SLAMF7: variants seen among roughly 807,000 people sequenced by gnomAD.
SLAMF7 encodes the protein SLAM family member 7.
Under a neutral mutation model 34.1 loss-of-function variants are expected in SLAMF7, and 26 were observed. That is an observed-to-expected ratio of 0.76 (90% CI 0.56 to 1.06). SLAMF7 has a LOEUF of 1.06. SLAMF7 is among the 50% of genes least tolerant of loss of function. The pLI, the probability that SLAMF7 is intolerant of heterozygous loss-of-function variation, is 0.00. For synonymous variants in SLAMF7, 171 were observed against 156.4 expected (o/e 1.09, Z -0.70); for missense variants, 399 against 402.5 (o/e 0.99, Z 0.07).
intron 1 of SLAMF7, among the ~76,000 whole-genome samples, chr1:160,745,203 C>T (rs1664032274): frequency 6.6e-6 from 1 of 152,066 alleles, no homozygotes. Flanking sequence ...AGTGGGTCAC[C>T]ATTTGGTAGC....
chr1:160,750,993 T>A (rs1421684920), intron 4 of SLAMF7: 1 of 293,736 alleles, frequency 3.4e-6, no homozygotes, highest in African/African-American at 2.2e-5. Context: ...CCACTGTCCA[T>A]GTGGGTGATG....
chr1:160,753,532 T>A lies in SLAMF7; in HGVS notation c.*355T>A, dbSNP rs528787626. On this transcript the variant is annotated 3_prime_UTR_variant, in exon 7 of 7. Coordinates refer to ENST00000368043, the MANE Select transcript of SLAMF7 (RefSeq NM_021181.5). ...TGTATTAATGATGGCTCCAGGTCAG[T>A]GTCTGGAGTTTCATTCCATCCCAGG... is the stretch of plus-strand genomic sequence containing the variant. 5.4e-5 allele frequency: 11 copies of A among 203,536 alleles called. No homozygotes were observed. The highest frequency in any genetic ancestry group is 2.6e-4 in the African/African-American group (11 of 42,852). 12.6% of individuals were successfully genotyped at this position (203,536 alleles called of 1,614,324 possible). A position where few individuals can be genotyped will look rare whatever the true frequency, so the allele number is the denominator to read the frequency against.
At position 160,749,814 on chromosome 1, in the gene SLAMF7, C is replaced by A; in HGVS notation, c.377-7C>A. ...GTTTCCACCTCTGGTTTTCCTTCCT[C>A]TCACAGAGCACCTGTCAAAGCCTAA... On this transcript the variant is annotated splice_region_variant and splice_polypyrimidine_tract_variant and intron_variant, in intron 2 of 6. Coordinates refer to ENST00000368043, the MANE Select transcript of SLAMF7 (RefSeq NM_021181.5). The A allele has an allele frequency of 6.4e-7, 1 of 1,569,294 alleles. No homozygotes were observed. Among genetic ancestry groups the A allele is most frequent in the Non-Finnish European group, 8.6e-7 (1 of 1,157,166 alleles).
chr1:160,753,605 G>A lies in SLAMF7; in HGVS notation c.*428G>A, dbSNP rs1664804539. The A allele has an allele frequency of 5.6e-6, 1 of 178,398 alleles. No individual in the cohort carries two copies. Among genetic ancestry groups the A allele is most frequent in the African/African-American group, 2.4e-5 (1 of 41,814 alleles). The allele number at this position is 178,398 out of a possible 1,614,324, so 11.1% of individuals were successfully genotyped here. A position where few individuals can be genotyped will look rare whatever the true frequency, so the allele number is the denominator to read the frequency against. On this transcript the variant is annotated 3_prime_UTR_variant, in exon 7 of 7. Coordinates refer to ENST00000368043, the MANE Select transcript of SLAMF7 (RefSeq NM_021181.5). ...AAGAGTCTTGCTACCAGGAGGGCAA[G>A]AAGACCAAAACAGACAGACAAGTCC...
Position 160,752,361 on chromosome 1 carries a change from G to C in SLAMF7, c.936+113G>C, listed in dbSNP as rs898008955. 8.1e-6 allele frequency: 6 copies of C among 744,860 alleles called. No individual in the cohort carries two copies. In the Admixed American group the frequency reaches 9.8e-5, roughly 12 times the overall value. 46.1% of individuals were successfully genotyped at this position (744,860 alleles called of 1,614,324 possible). A position where few individuals can be genotyped will look rare whatever the true frequency, so the allele number is the denominator to read the frequency against. On this transcript the variant is annotated intron_variant, in intron 6 of 6. Coordinates refer to ENST00000368043, the MANE Select transcript of SLAMF7 (RefSeq NM_021181.5). ...ATCTCATACTCTCTAGAATTAAAAAGTACCCTAGTAGTTCCCCATTCCCTT... is the reference window on the plus strand; with the variant it reads ...ATCTCATACTCTCTAGAATTAAAAACTACCCTAGTAGTTCCCCATTCCCTT...
chr1:160,741,593 T>C (rs1034791308), intron 1 of SLAMF7, among the ~76,000 whole-genome samples: 3 of 152,162 alleles, frequency 2.0e-5, no homozygotes, highest in Admixed American at 2.0e-4. Context: ...TTTCCTTTTA[T>C]GGAATGAAAT....
At chr1:160,752,405 A>G (rs917616870) in intron 6 of SLAMF7, among the ~76,000 whole-genome samples, 157 bp downstream of exon 6, 2 of 152,194 alleles carry the variant, frequency 1.3e-5, no homozygotes, top group Non-Finnish European at 2.9e-5. Context: ...GTTATACAAG[A>G]ACATGGGGGA....
chr1:160,749,632 T>C (rs56654572), intron 2 of SLAMF7, among the ~76,000 whole-genome samples, 189 bp from the exon 3 acceptor site: 1 of 152,258 alleles, frequency 6.6e-6, no homozygotes, highest in Admixed American at 6.5e-5. Context: ...ATTATTATTA[T>C]ATAGCTATGG....
intron 1 of SLAMF7, among the ~76,000 whole-genome samples, chr1:160,747,082 A>T (rs1664191184): frequency 3.9e-5 from 6 of 152,224 alleles, no homozygotes; most frequent in Admixed American, 3.9e-4. Flanking sequence ...TATTGACTGT[A>T]GGGTCACCAG....
At chr1:160,751,842 CTCTCTCTCTCTCTCTCTCTCTATATA>C (rs1664617001) in intron 5 of SLAMF7, 1 of 61,010 alleles carries the variant, frequency 1.6e-5, no homozygotes, top group African/African-American at 7.2e-5. Context: ...CTCTCTCTCT[CTCTCTCTCTCTCTCTCTCTCTATATA>C]TATATATATA....
rs747909152 is a variant in SLAMF7, at chr1:160,748,158, G to A, written c.56-36G>A. On this transcript the variant is annotated intron_variant, in intron 1 of 6. Coordinates refer to ENST00000368043, the MANE Select transcript of SLAMF7 (RefSeq NM_021181.5). Reference sequence around the variant, plus strand: ...GTGAGTAATTGGTGACAAGGACAGGGAATCAGGCTTATTTTATGGTTCTCT... The same window carrying A: ...GTGAGTAATTGGTGACAAGGACAGGAAATCAGGCTTATTTTATGGTTCTCT... 4 of 1,596,840 alleles carry A rather than the reference G, an allele frequency of 2.5e-6. 1 individual carries two copies. Among genetic ancestry groups the A allele is most frequent in the South Asian group, 2.3e-5 (2 of 88,826 alleles).
chr1:160,742,364 T>A (rs1455695035), intron 1 of SLAMF7, among the ~76,000 whole-genome samples: 1 of 152,088 alleles, frequency 6.6e-6, no homozygotes, highest in African/African-American at 2.4e-5. Flanking sequence ...GGGGATGTAG[T>A]GGGGAATGCT....
chr1:160,750,437 T>C lies in SLAMF7; in HGVS notation c.769+14T>C. The C allele has an allele frequency of 1.2e-6, 2 of 1,611,654 alleles. No homozygotes were observed. Among genetic ancestry groups the C allele is most frequent in the Non-Finnish European group, 1.7e-6 (2 of 1,178,856 alleles). On this transcript the variant is annotated intron_variant, in intron 4 of 6. Transcript: ENST00000368043. ...AGAGACAAGAAGGTAGAGCGTGTAC[T>C]ATTTTTGTCCTCACCCACATTCATG...
intron 1 of SLAMF7, among the ~76,000 whole-genome samples, chr1:160,742,137 C>T (rs1371652777): frequency 6.6e-6 from 1 of 152,120 alleles, no homozygotes. Flanking sequence ...CGGGCTCCTT[C>T]CCTCCACTCA....
chr1:160,752,800 G>C (rs774144373), intron 6 of SLAMF7, among the ~76,000 whole-genome samples: 20 of 152,130 alleles, frequency 1.3e-4, no homozygotes, highest in Non-Finnish European at 2.8e-4. Context: ...CTCCCAAACA[G>C]ATCCAAAAAG....
In SLAMF7 at chr1:160,739,365, G is replaced by C; in HGVS notation, c.55+9G>C. The C allele has an allele frequency of 6.2e-7, 1 of 1,611,118 alleles. No homozygotes were observed. Among genetic ancestry groups the C allele is most frequent in the Non-Finnish European group, 8.5e-7 (1 of 1,178,296 alleles). On this transcript the variant is annotated intron_variant, in intron 1 of 6. Transcript: ENST00000368043. The stretch of plus-strand genomic sequence containing the variant: ...CCTTTGGCAGCTCACAGGTGAGTCC[G>C]GCCGGATTCTCTTCCACTCTCCTGT...
At chr1:160,745,406 A>G (rs907590845) in intron 1 of SLAMF7, among the ~76,000 whole-genome samples, 2 of 152,204 alleles carry the variant, frequency 1.3e-5, no homozygotes, top group African/African-American at 4.8e-5. Context: ...GGGCCTTCAA[A>G]TTGAGCCATA....
At chr1:160,751,768 G>A (rs1239770589) in intron 5 of SLAMF7, 1 of 200,802 alleles carries the variant, frequency 5.0e-6, no homozygotes, top group Non-Finnish European at 1.0e-5. Flanking sequence ...AGAAGAGTGT[G>A]ACTTTGACAG....
intron 1 of SLAMF7, among the ~76,000 whole-genome samples, chr1:160,745,995 T>G (rs1664097131): frequency 6.6e-6 from 1 of 152,134 alleles, no homozygotes. Flanking sequence ...GTATAGGAAT[T>G]TGTCCTTTTA....
Sources: allele counts gnomAD v4.1 joint callset (sites outside exome capture counted in the v4.1 genomes callset), GRCh38; gene constraint gnomAD v4.1.1; transcripts MANE v1.5; gene names NCBI Gene and HGNC (gene_info 2026-07-23, HGNC 2026-07-21).